The following GALNT13 variants were observed in gnomAD, a reference collection of about 807,000 sequenced individuals.
GALNT13 encodes the protein polypeptide N-acetylgalactosaminyltransferase 13, also known as UDP-GalNAc:polypeptide N-acetylgalactosaminyltransferase 13.
Under a neutral mutation model 64.2 loss-of-function variants are expected in GALNT13, and 28 were observed. The observed-to-expected ratio is 0.44, with a 90% CI of 0.32 to 0.60. The LOEUF is 0.60. Among genes scored for constraint, GALNT13 ranks in the 20% least tolerant of loss-of-function variants. GALNT13 has a pLI of 0.05. For missense variants in GALNT13, 577 were observed against 669.8 expected, an observed-to-expected ratio of 0.86 and a Z score of 1.53; for synonymous variants, 214 against 224.6, an observed-to-expected ratio of 0.95 and a Z score of 0.42.
chr2:153,879,307 T>A (rs915701774), intron 1 of GALNT13, among the ~76,000 whole-genome samples: 1 of 152,036 alleles, frequency 6.6e-6, no homozygotes, highest in Non-Finnish European at 1.5e-5. Context: ...AGAAGATCAG[T>A]GGAAGGGCAA....
At chr2:154,401,036 A>G (rs762955659) in intron 10 of GALNT13, among the ~76,000 whole-genome samples, 2 of 152,134 alleles carry the variant, frequency 1.3e-5, no homozygotes, top group Non-Finnish European at 2.9e-5. Flanking sequence ...TAAAATTTGC[A>G]TTTGCATGTT....
chr2:153,437,791 C>T, the GALNT13 span, among the ~76,000 whole-genome samples: 4 of 152,260 alleles, frequency 2.6e-5, no homozygotes, highest in Middle Eastern at 3.4e-3. Flanking sequence ...ATTTACCAGT[C>T]TGTGTCTTTT....
At chr2:154,362,239 C>T (rs1697111373) in intron 9 of GALNT13, among the ~76,000 whole-genome samples, 1 of 146,486 alleles carries the variant, frequency 6.8e-6, no homozygotes, top group Non-Finnish European at 1.5e-5. Context: ...CAAATTCTAC[C>T]CCCACCCCCA....
At chr2:153,485,371 G>A in the GALNT13 span, among the ~76,000 whole-genome samples, 26 of 152,022 alleles carry the variant, frequency 1.7e-4, no homozygotes, top group Non-Finnish European at 2.9e-4. Context: ...AACTTAGAAA[G>A]TTCACTCTCA....
At chr2:153,429,157 G>A in the GALNT13 span, among the ~76,000 whole-genome samples, 1 of 152,004 alleles carries the variant, frequency 6.6e-6, no homozygotes, top group East Asian at 1.9e-4. Flanking sequence ...ATATTATAAG[G>A]ATTTCAATCT....
the GALNT13 span, among the ~76,000 whole-genome samples, chr2:153,211,771 C>G: frequency 6.6e-6 from 1 of 152,080 alleles, no homozygotes; most frequent in African/African-American, 2.4e-5. Context: ...TTGGGAAGCA[C>G]TAGCTGAGTA....
chr2:153,229,781 C>G, the GALNT13 span, among the ~76,000 whole-genome samples: 1 of 152,206 alleles, frequency 6.6e-6, no homozygotes, highest in Admixed American at 6.5e-5. Context: ...CTTTAAACCT[C>G]TCCTCTGTTT....
chr2:153,189,855 G>A, the GALNT13 span, among the ~76,000 whole-genome samples: 9 of 152,018 alleles, frequency 5.9e-5, no homozygotes, highest in Non-Finnish European at 1.0e-4. Context: ...TATAATTAAT[G>A]ATGATGAACA....
chr2:153,231,314 C>T, the GALNT13 span, among the ~76,000 whole-genome samples: 1 of 152,146 alleles, frequency 6.6e-6, no homozygotes, highest in Non-Finnish European at 1.5e-5. Flanking sequence ...AGAGAGTTTG[C>T]ATCTTTCTTG....
chr2:154,224,888 A>T (rs1465972354), intron 4 of GALNT13, among the ~76,000 whole-genome samples: 1 of 152,130 alleles, frequency 6.6e-6, no homozygotes, highest in Admixed American at 6.6e-5. Context: ...TGATACATAC[A>T]ACATTTTATG....
At chr2:153,188,013 T>C in the GALNT13 span, among the ~76,000 whole-genome samples, 1 of 152,048 alleles carries the variant, frequency 6.6e-6, no homozygotes, top group African/African-American at 2.4e-5. Flanking sequence ...CATGTATTCA[T>C]GATTTTTAAA....
At chr2:153,510,791 A>G in the GALNT13 span, among the ~76,000 whole-genome samples, 1 of 152,086 alleles carries the variant, frequency 6.6e-6, no homozygotes, top group Non-Finnish European at 1.5e-5. Flanking sequence ...TCAGCAAAAG[A>G]GACAGAGACT....
the GALNT13 span, among the ~76,000 whole-genome samples, chr2:153,851,887 A>G: frequency 6.6e-6 from 1 of 152,218 alleles, no homozygotes; most frequent in East Asian, 1.9e-4. Context: ...AACAAAATGT[A>G]TGACAAGACT....
intron 4 of GALNT13, among the ~76,000 whole-genome samples, chr2:154,187,207 A>G (rs918043957): frequency 1.1e-4 from 16 of 152,096 alleles, no homozygotes; most frequent in East Asian, 1.9e-4. Flanking sequence ...TGTCAAACAT[A>G]TCTGATTTTA....
intron 9 of GALNT13, among the ~76,000 whole-genome samples, chr2:154,342,994 T>TTTAG (rs1695860321): frequency 6.6e-6 from 1 of 152,022 alleles, no homozygotes. Flanking sequence ...AAGCATTGTA[T>TTTAG]TTAGTATGAA....
chr2:153,719,928 G>C, the GALNT13 span, among the ~76,000 whole-genome samples: 1 of 152,130 alleles, frequency 6.6e-6, no homozygotes, highest in African/African-American at 2.4e-5. Context: ...AAACAAAGCA[G>C]CCGGGAAGCT....
chr2:153,723,658 CAACA>C, the GALNT13 span, among the ~76,000 whole-genome samples: 25 of 152,142 alleles, frequency 1.6e-4, no homozygotes, highest in African/African-American at 3.1e-4. Context: ...TATACACCAA[CAACA>C]AACAAACAGA....
chr2:153,601,839 A>C, the GALNT13 span, among the ~76,000 whole-genome samples: 4 of 152,012 alleles, frequency 2.6e-5, no homozygotes, highest in Non-Finnish European at 5.9e-5. Flanking sequence ...TTCAAAGATA[A>C]TATATACACC....
chr2:153,795,281 C>T, the GALNT13 span, among the ~76,000 whole-genome samples: 4 of 152,236 alleles, frequency 2.6e-5, no homozygotes, highest in South Asian at 2.1e-4. Context: ...AAAATAGAGT[C>T]AATTTTTGGA....
Sources: allele counts gnomAD v4.1 joint callset (sites outside exome capture counted in the v4.1 genomes callset), GRCh38; gene constraint gnomAD v4.1.1; transcripts MANE v1.5; gene names NCBI Gene and HGNC (gene_info 2026-07-23, HGNC 2026-07-21).